LMAN2: variants seen among roughly 807,000 people sequenced by gnomAD.
LMAN2 encodes lectin, mannose binding 2.
LMAN2 carries 22 observed loss-of-function variants against 39.3 expected under a neutral mutation model. That is an observed-to-expected ratio of 0.56 (90% CI 0.40 to 0.80). The LOEUF (loss-of-function observed/expected upper bound fraction) is 0.80, where lower values mean the gene tolerates loss of function less well. LMAN2 is among the 30% of genes least tolerant of loss of function. The pLI, the probability that LMAN2 is intolerant of heterozygous loss-of-function variation, is 0.00. For synonymous variants in LMAN2, 207 were observed against 207.8 expected, an observed-to-expected ratio of 1.00 and a Z score of 0.03; for missense variants, 494 against 505.4, an observed-to-expected ratio of 0.98 and a Z score of 0.22.
Position 177,338,470 on chromosome 5 carries a change from G to C in LMAN2, c.433+18C>G. 1 of 1,607,050 alleles carries C rather than the reference G, an allele frequency of 6.2e-7. No individual in the cohort carries two copies. Among genetic ancestry groups the C allele is most frequent in the Non-Finnish European group, 8.5e-7 (1 of 1,174,002 alleles). ...GTGCCCACCCCCACAGGGCCCAGCT[G>C]AGCGAACACCAGCCCACCTGGCACG... is the stretch of plus-strand genomic sequence containing the variant. On this transcript the variant is annotated intron_variant, in intron 3 of 7. Coordinates refer to ENST00000303127, the MANE Select transcript of LMAN2 (RefSeq NM_006816.3).
Position 177,332,003 on chromosome 5 carries a change from T to A in LMAN2, c.*83A>T, listed in dbSNP as rs1190808168. The A allele has an allele frequency of 6.0e-6, 8 of 1,339,232 alleles. No homozygotes were observed. In the Admixed American group the frequency reaches 7.5e-5, roughly 13 times the overall value. The allele number at this position is 1,339,232 out of a possible 1,614,324, so 83.0% of individuals were successfully genotyped here. On this transcript the variant is annotated 3_prime_UTR_variant, in exon 8 of 8. Coordinates refer to ENST00000303127, the MANE Select transcript of LMAN2 (RefSeq NM_006816.3). This position sits in a 1 kb window ranked among gnomAD's most constrained non-coding sequence, Gnocchi z 6.3. ...GAAACAGTTAAGAAATAAGGTCATC[T>A]TGTTGTTCTTTTATAATCCCGGTAA...
chr5:177,335,692 G>T (rs1184708886), intron 6 of LMAN2, among the ~76,000 whole-genome samples: 1 of 152,198 alleles, frequency 6.6e-6, no homozygotes, highest in Middle Eastern at 3.2e-3. Context: ...TCCTCTGCTG[G>T]GTATGTGACT....
At chr5:177,345,489 C>T (rs1054425019) in intron 2 of LMAN2, among the ~76,000 whole-genome samples, 1 of 151,928 alleles carries the variant, frequency 6.6e-6, no homozygotes, top group Non-Finnish European at 1.5e-5. Context: ...AAAAACAACA[C>T]CCCTGAAGCC....
chr5:177,349,691 C>T (rs1372863892), intron 2 of LMAN2, among the ~76,000 whole-genome samples: 1 of 152,158 alleles, frequency 6.6e-6, no homozygotes, highest in South Asian at 2.1e-4. Flanking sequence ...ACTGTTTGCA[C>T]CTTGCTTTCA....
chr5:177,336,208 A>G (rs1003030578), intron 6 of LMAN2, among the ~76,000 whole-genome samples: 1 of 152,124 alleles, frequency 6.6e-6, no homozygotes, highest in Non-Finnish European at 1.5e-5. Context: ...AGGAGGTAAC[A>G]TCTGAGCAAG....
At chr5:177,345,339 TAAAAAAAAAA>T (rs10639580) in intron 2 of LMAN2, among the ~76,000 whole-genome samples, 3 of 52,392 alleles carry the variant, frequency 5.7e-5, no homozygotes, top group Non-Finnish European at 1.1e-4. Flanking sequence ...AGACCCTGTC[TAAAAAAAAAA>T]AAAAAAAAAA....
intron 2 of LMAN2, among the ~76,000 whole-genome samples, chr5:177,340,899 C>T (rs1161127821): frequency 3.3e-5 from 5 of 151,412 alleles, no homozygotes; most frequent in Admixed American, 6.6e-5. Flanking sequence ...GGACTACAGG[C>T]GCCCGCCACC....
At chr5:177,341,629 C>T (rs990839391) in intron 2 of LMAN2, among the ~76,000 whole-genome samples, 2 of 152,212 alleles carry the variant, frequency 1.3e-5, no homozygotes, top group Non-Finnish European at 2.9e-5. Context: ...CATTAGCAGA[C>T]TCACACTTTC....
chr5:177,346,881 G>T (rs1761645039), intron 2 of LMAN2, among the ~76,000 whole-genome samples: 1 of 152,152 alleles, frequency 6.6e-6, no homozygotes, highest in Non-Finnish European at 1.5e-5. Flanking sequence ...AGCTAGAGAA[G>T]ATCCGAACTC....
chr5:177,334,534 A>G (rs11738681), intron 6 of LMAN2, 131 bp from the exon 7 acceptor site: 419,372 of 1,271,752 alleles, frequency 0.33, 76,686 homozygotes, highest in African/African-American at 0.71. Flanking sequence ...AGCACTGCCC[A>G]GCCGGCTAGG....
Position 177,342,975 on chromosome 5 carries a change from C to T in LMAN2, c.316-4370G>A, listed in dbSNP as rs371394982. 7.6e-4 allele frequency among the ~76,000 whole-genome samples: 115 copies of T among 152,092 alleles called. 1 individual carries two copies. In the South Asian group the frequency reaches 0.012, roughly 16 times the overall value. ...TAGAATATATTAAAAAACCCTAGGCCGGGCGCGGTGGCTCATGCCTGTAGT... is the reference window on the plus strand; with the variant it reads ...TAGAATATATTAAAAAACCCTAGGCTGGGCGCGGTGGCTCATGCCTGTAGT... On this transcript the variant is annotated intron_variant, in intron 2 of 7. Coordinates refer to ENST00000303127, the MANE Select transcript of LMAN2 (RefSeq NM_006816.3).
At chr5:177,335,171 C>A (rs1761451368) in intron 6 of LMAN2, among the ~76,000 whole-genome samples, 1 of 152,218 alleles carries the variant, frequency 6.6e-6, no homozygotes, top group Non-Finnish European at 1.5e-5. Context: ...ACCTAATGAG[C>A]AAGAGCTCGG....
chr5:177,345,761 ATTT>A (rs977544358), intron 2 of LMAN2, among the ~76,000 whole-genome samples: 8 of 150,388 alleles, frequency 5.3e-5, no homozygotes, highest in African/African-American at 2.0e-4. Flanking sequence ...TTATTTATTT[ATTT>A]ATTTATTTAT....
Position 177,337,276 on chromosome 5 carries a change from C to G in LMAN2, c.676-26G>C. The G allele has an allele frequency of 1.2e-6, 2 of 1,613,374 alleles. No individual in the cohort carries two copies. Among genetic ancestry groups the G allele is most frequent in the Non-Finnish European group, 1.7e-6 (2 of 1,179,762 alleles). On this transcript the variant is annotated intron_variant, in intron 5 of 7. Transcript: ENST00000303127. This position sits in a 1 kb window ranked among gnomAD's most constrained non-coding sequence, Gnocchi z 8.2. ...CTGCAGGGCCCAGCACGCTAAGCACCTCGCAGGACAGCAGCCTGCCCTCCT... is the reference window on the plus strand; with the variant it reads ...CTGCAGGGCCCAGCACGCTAAGCACGTCGCAGGACAGCAGCCTGCCCTCCT...
Position 177,334,380 on chromosome 5 carries a change from T to C in LMAN2, c.814A>G (p.Lys272Glu). The C allele has an allele frequency of 1.2e-6, 2 of 1,613,528 alleles. No homozygotes were observed. Among genetic ancestry groups the C allele is most frequent in the Non-Finnish European group, 1.7e-6 (2 of 1,179,956 alleles). Residue 272 changes from lysine (K) to glutamate (E), a missense_variant, in exon 7 of 8, where the codon AAG (lysine) becomes GAG (glutamate). By Grantham distance (56) the Lys-to-Glu change is moderately conservative. Coordinates refer to ENST00000303127, the MANE Select transcript of LMAN2 (RefSeq NM_006816.3). ...LSDNHDIISM[K>E]LFQLMVEHTP... Reference sequence around the variant, plus strand: ...TGCTCCACCATCAGCTGGAACAGCTTCATGGAGATGATGTCATGATTGTCT... The same window carrying C: ...TGCTCCACCATCAGCTGGAACAGCTCCATGGAGATGATGTCATGATTGTCT...
chr5:177,337,906 CGA>C lies in LMAN2; in HGVS notation c.434-123_434-122del, dbSNP rs1272558344. The C allele has an allele frequency of 8.9e-6, 7 of 785,852 alleles. No homozygotes were observed. Among genetic ancestry groups the C allele is most frequent in the South Asian group, 1.5e-5 (1 of 66,854 alleles). The allele number at this position is 785,852 out of a possible 1,614,324, so 48.7% of individuals were successfully genotyped here. On this transcript the variant is annotated intron_variant, in intron 3 of 7. Coordinates refer to ENST00000303127, the MANE Select transcript of LMAN2 (RefSeq NM_006816.3). This position sits in a 1 kb window ranked among gnomAD's most constrained non-coding sequence, Gnocchi z 8.2. ...AGAGCCCAACCCACTGGCCATTCAC[CGA>C]GAGAGAAGGGATCGTGAAAGGAGAA...
chr5:177,331,819 C>T lies in LMAN2; in HGVS notation c.*267G>A. On this transcript the variant is annotated 3_prime_UTR_variant, in exon 8 of 8. Coordinates refer to ENST00000303127, the MANE Select transcript of LMAN2 (RefSeq NM_006816.3). ...GTTCAACAGCTGCCTGCAGGGGCCA[C>T]AGCCCATCTGTAGACACAGACCCCT... 2.7e-6 allele frequency: 1 copy of T among 376,572 alleles called. No homozygotes were observed. Among genetic ancestry groups the T allele is most frequent in the Admixed American group, 4.0e-5 (1 of 24,756 alleles). 23.3% of individuals were successfully genotyped at this position (376,572 alleles called of 1,614,324 possible). A position where few individuals can be genotyped will look rare whatever the true frequency, so the allele number is the denominator to read the frequency against.
chr5:177,337,207 A>G lies in LMAN2; in HGVS notation c.719T>C (p.Ile240Thr), dbSNP rs780756675. Residue 240 changes from isoleucine (I) to threonine (T), a missense_variant, in exon 6 of 8, where the codon ATT becomes ACT. Transcript: ENST00000303127. This position sits in a 1 kb window ranked among gnomAD's most constrained non-coding sequence, Gnocchi z 8.2. ...GGGCAGGCGCACTCCCGTGATGTCA[A>G]TGCAGTTCTTCCACTCGTTCTTGTC... is the stretch of plus-strand genomic sequence containing the variant. ...LEDKNEWKNC[I>T]DITGVRLPTG... 3.1e-6 allele frequency: 5 copies of G among 1,614,064 alleles called. No individual in the cohort carries two copies. Among genetic ancestry groups the G allele is most frequent in the East Asian group, 4.5e-5 (2 of 44,874 alleles).
rs374520062 is a variant in LMAN2 at position 177,334,304 on chromosome 5, T to G, written c.890A>C (p.Asn297Thr). The change falls in exon 7 of 8, where the codon AAC becomes ACC. Residue 297 changes from asparagine (N) to threonine (T), a missense_variant. Transcript: ENST00000303127. Reference protein sequence around the residue: ...IDWTKIEPSVNFLKSPKDNVD... With the variant: ...IDWTKIEPSVTFLKSPKDNVD... ...CGCACCTTTGGGCGACTTGAGGAAG[T>G]TGACGCTGGGCTCGATCTTGGTCCA... The G allele has an allele frequency of 1.4e-5, 23 of 1,612,484 alleles. No homozygotes were observed. The highest frequency in any genetic ancestry group is 1.8e-5 in the Non-Finnish European group (21 of 1,179,946).
Sources: allele counts gnomAD v4.1 joint callset (sites outside exome capture counted in the v4.1 genomes callset), GRCh38; gene constraint gnomAD v4.1.1; non-coding constraint Gnocchi (gnomAD v3.1); transcripts MANE v1.5; gene names NCBI Gene and HGNC (gene_info 2026-07-23, HGNC 2026-07-21).